Variants in GRID2 observed in about 807,000 individuals in gnomAD.
GRID2 encodes the protein glutamate receptor ionotropic, delta-2.
Under a neutral mutation model 114.8 loss-of-function variants are expected in GRID2, and 33 were observed. That is an observed-to-expected ratio of 0.29 (90% CI 0.22 to 0.38). The LOEUF is 0.38. Among genes scored for constraint, GRID2 ranks in the 10% least tolerant of loss-of-function variants. GRID2 has a pLI of 1.00. For synonymous variants in GRID2, 505 were observed against 449.9 expected (o/e 1.12, Z -1.55); for missense variants, 1,184 against 1,257.7 (o/e 0.94, Z 0.89).
At chr4:92,677,734 A>G (rs1178813449) in intron 2 of GRID2, among the ~76,000 whole-genome samples, 1 of 152,036 alleles carries the variant, frequency 6.6e-6, no homozygotes, top group Non-Finnish European at 1.5e-5. Flanking sequence ...ATTTTCTATT[A>G]TCCAGGATTA....
chr4:92,661,292 A>T (rs1362578892), intron 2 of GRID2, among the ~76,000 whole-genome samples: 1 of 151,188 alleles, frequency 6.6e-6, no homozygotes, highest in East Asian at 1.9e-4. Flanking sequence ...AACATTAAAA[A>T]GTCACCCTGT....
chr4:93,517,912 GTGTATGTATATACTATATA>G (rs1560705827), intron 13 of GRID2, among the ~76,000 whole-genome samples: 168 of 142,372 alleles, frequency 1.2e-3, no homozygotes, highest in African/African-American at 4.0e-3. Flanking sequence ...GTATGTGTGT[GTGTATGTATATACTATATA>G]TGTATGTATA....
chr4:92,696,146 C>A (rs1183617344), intron 2 of GRID2, among the ~76,000 whole-genome samples: 1 of 151,996 alleles, frequency 6.6e-6, no homozygotes, highest in Non-Finnish European at 1.5e-5. Flanking sequence ...TTAAAGAAAT[C>A]AATTTTCCTT....
At chr4:93,022,094 A>T (rs958854961) in intron 2 of GRID2, among the ~76,000 whole-genome samples, 8 of 151,714 alleles carry the variant, frequency 5.3e-5, no homozygotes, top group African/African-American at 1.9e-4. Context: ...CTTGAATCTA[A>T]GATATTTACA....
At chr4:93,632,310 G>T (rs1720992683) in intron 14 of GRID2, among the ~76,000 whole-genome samples, 2 of 152,182 alleles carry the variant, frequency 1.3e-5, no homozygotes, top group Non-Finnish European at 2.9e-5. Flanking sequence ...GTCCTGAATG[G>T]TATTGCCTAG....
intron 14 of GRID2, among the ~76,000 whole-genome samples, chr4:93,767,583 A>G (rs1328057389): frequency 6.6e-6 from 1 of 152,130 alleles, no homozygotes; most frequent in Admixed American, 6.5e-5. Context: ...GGCTGTGGGA[A>G]CGTCTGGGAG....
intron 1 of GRID2, among the ~76,000 whole-genome samples, chr4:92,407,836 C>A (rs1394553121): frequency 6.6e-6 from 1 of 152,062 alleles, no homozygotes; most frequent in Non-Finnish European, 1.5e-5. Flanking sequence ...GGTGTTAGAT[C>A]TTTGTCAGCT....
intron 12 of GRID2, among the ~76,000 whole-genome samples, chr4:93,498,648 C>T (rs753963598): frequency 2.2e-4 from 34 of 151,784 alleles, no homozygotes; most frequent in Admixed American, 5.9e-4. Context: ...ACTTACTAAG[C>T]TCCTTTATTA....
intron 2 of GRID2, among the ~76,000 whole-genome samples, chr4:92,663,755 C>A (rs1275166877): frequency 6.6e-6 from 1 of 151,012 alleles, no homozygotes; most frequent in Non-Finnish European, 1.5e-5. Flanking sequence ...CTCTTTTCAT[C>A]TTGGAAAACT....
chr4:93,496,078 G>A (rs569064710), intron 12 of GRID2, among the ~76,000 whole-genome samples: 1 of 147,496 alleles, frequency 6.8e-6, no homozygotes, highest in East Asian at 2.0e-4. Flanking sequence ...AAAGAAGTTA[G>A]ACTTATTTTT....
chr4:92,464,928 G>A (rs1254670368), intron 1 of GRID2, among the ~76,000 whole-genome samples: 1 of 152,076 alleles, frequency 6.6e-6, no homozygotes, highest in Non-Finnish European at 1.5e-5. Flanking sequence ...GTGTTCTTGT[G>A]ACAGTGAATA....
intron 2 of GRID2, among the ~76,000 whole-genome samples, chr4:92,735,783 G>T (rs1264002707): frequency 2.0e-5 from 3 of 151,786 alleles, no homozygotes; most frequent in African/African-American, 7.3e-5. Context: ...CAGGTGGATT[G>T]AATGTCTGTT....
chr4:93,669,021 T>C (rs1285028052), intron 14 of GRID2, among the ~76,000 whole-genome samples: 5 of 152,022 alleles, frequency 3.3e-5, no homozygotes, highest in African/African-American at 1.2e-4. Context: ...TTGGCATGCT[T>C]AGTAAGTGAT....
intron 1 of GRID2, among the ~76,000 whole-genome samples, chr4:92,424,943 A>G (rs1732085069): frequency 6.6e-6 from 1 of 151,952 alleles, no homozygotes; most frequent in South Asian, 2.1e-4. Context: ...GAAAAAACAT[A>G]GTTCTCATGA....
intron 1 of GRID2, among the ~76,000 whole-genome samples, chr4:92,307,053 T>C (rs1051846699): frequency 6.6e-6 from 1 of 151,934 alleles, no homozygotes; most frequent in Non-Finnish European, 1.5e-5. Flanking sequence ...TGATGACGGG[T>C]AGTATGTGTG....
intron 2 of GRID2, among the ~76,000 whole-genome samples, chr4:92,941,360 G>T (rs967052883): frequency 6.6e-6 from 1 of 152,240 alleles, no homozygotes; most frequent in Admixed American, 6.5e-5. Flanking sequence ...TTGCATAGAG[G>T]TGTTTATAGT....
intron 1 of GRID2, among the ~76,000 whole-genome samples, chr4:93,797,138 G>A (rs1375330316): frequency 1.3e-5 from 2 of 152,172 alleles, no homozygotes; most frequent in South Asian, 4.1e-4. Context: ...CAGCAAAAAT[G>A]TGGTATTATA....
chr4:92,770,857 T>C (rs1364893857), intron 2 of GRID2, among the ~76,000 whole-genome samples: 1 of 152,150 alleles, frequency 6.6e-6, no homozygotes, highest in Non-Finnish European at 1.5e-5. Context: ...AGACAAACCA[T>C]ATCCCCTGGT....
chr4:92,956,714 C>T (rs1752435983), intron 2 of GRID2, among the ~76,000 whole-genome samples: 1 of 152,174 alleles, frequency 6.6e-6, no homozygotes, highest in African/African-American at 2.4e-5. Flanking sequence ...GAGTATGTTT[C>T]ATTTTCTAAG....
Sources: allele counts gnomAD v4.1 joint callset (sites outside exome capture counted in the v4.1 genomes callset), GRCh38; gene constraint gnomAD v4.1.1; transcripts MANE v1.5; gene names NCBI Gene and HGNC (gene_info 2026-07-23, HGNC 2026-07-21).